Variants in CDC42SE2 observed in about 807,000 individuals in gnomAD.
The protein encoded by CDC42SE2 is CDC42 small effector 2.
In CDC42SE2, 3 loss-of-function variants were observed where a neutral mutation model predicts 11.5. The ratio of observed to expected loss-of-function variants is 0.26; its 90% CI spans 0.12 to 0.67. The LOEUF is 0.67. CDC42SE2 is among the 30% of genes least tolerant of loss of function. CDC42SE2 has a pLI of 0.80. For missense variants in CDC42SE2, 82 were observed against 106.8 expected, an observed-to-expected ratio of 0.77 and a Z score of 1.02; for synonymous variants, 33 against 34.8, an observed-to-expected ratio of 0.95 and a Z score of 0.18.
intron 2 of CDC42SE2, among the ~76,000 whole-genome samples, chr5:131,346,312 A>C (rs571069730): frequency 6.6e-6 from 1 of 152,308 alleles, no homozygotes; most frequent in South Asian, 2.1e-4. Flanking sequence ...AGGAAGATCT[A>C]CCAAGCAAAT....
chr5:131,297,666 G>C (rs1232675827), intron 1 of CDC42SE2, among the ~76,000 whole-genome samples: 1 of 152,050 alleles, frequency 6.6e-6, no homozygotes, highest in Non-Finnish European at 1.5e-5. Context: ...CTTGCAGTGA[G>C]TCAAGATTGT....
chr5:131,254,090 T>C (rs1280618849), intron 1 of CDC42SE2, among the ~76,000 whole-genome samples: 1 of 152,142 alleles, frequency 6.6e-6, no homozygotes, highest in Non-Finnish European at 1.5e-5. Context: ...AACGTGCGGG[T>C]TTGTTACATA....
At chr5:131,326,815 A>G (rs542250746) in intron 2 of CDC42SE2, among the ~76,000 whole-genome samples, 17 of 152,142 alleles carry the variant, frequency 1.1e-4, no homozygotes, top group African/African-American at 3.1e-4. Context: ...GAATCTGCCT[A>G]TGTTGGCTAG....
chr5:131,226,366 C>T, the CDC42SE2 span, among the ~76,000 whole-genome samples: 4,684 of 152,162 alleles, frequency 0.031, 233 homozygotes, highest in African/African-American at 0.1. Flanking sequence ...TAGTCTTGGC[C>T]CCTTAACAAA....
chr5:131,232,747 A>C, the CDC42SE2 span, among the ~76,000 whole-genome samples: 18 of 149,838 alleles, frequency 1.2e-4, no homozygotes, highest in Non-Finnish European at 1.9e-4. Flanking sequence ...AAAAAAAAAA[A>C]AAAAAAAACA....
At chr5:131,245,530 A>AC (rs1756573977) in exon 1 of CDC42SE2, 7 of 152,232 alleles carry the variant, frequency 4.6e-5, no homozygotes. Context: ...GGTCTAGTTA[A>AC]AGGGTTCTGA....
intron 3 of CDC42SE2, among the ~76,000 whole-genome samples, chr5:131,378,398 A>C (rs1750217554): frequency 6.7e-6 from 1 of 148,782 alleles, no homozygotes. Context: ...GCACCCAGGG[A>C]ATCACTGTCA....
At chr5:131,287,647 A>AT (rs1290368043) in intron 1 of CDC42SE2, among the ~76,000 whole-genome samples, 11 of 148,578 alleles carry the variant, frequency 7.4e-5, no homozygotes, top group Non-Finnish European at 1.3e-4. Flanking sequence ...TTTTTTTTGC[A>AT]TTTTTTTGTA....
At chr5:131,305,708 C>T (rs1757765132) in intron 1 of CDC42SE2, among the ~76,000 whole-genome samples, 1 of 152,110 alleles carries the variant, frequency 6.6e-6, no homozygotes, top group Admixed American at 6.6e-5. Flanking sequence ...TGGATTGTCT[C>T]TTCAATCCAT....
At chr5:131,334,654 T>G (rs1036743757) in intron 2 of CDC42SE2, among the ~76,000 whole-genome samples, 5 of 152,150 alleles carry the variant, frequency 3.3e-5, no homozygotes, top group East Asian at 1.9e-4. Flanking sequence ...CCTGTTATTG[T>G]TCTATTCAGA....
chr5:131,281,099 G>A (rs12513768), intron 1 of CDC42SE2, among the ~76,000 whole-genome samples: 86,733 of 151,978 alleles, frequency 0.57, 28,713 homozygotes, highest in Non-Finnish European at 0.76. Flanking sequence ...GATCCTTTAA[G>A]GATTTTTCCT....
At chr5:131,306,066 C>T (rs1757771630) in intron 1 of CDC42SE2, among the ~76,000 whole-genome samples, 1 of 152,184 alleles carries the variant, frequency 6.6e-6, no homozygotes, top group South Asian at 2.1e-4. Context: ...CAACCATGAT[C>T]TGAAAATAGT....
the CDC42SE2 span, among the ~76,000 whole-genome samples, chr5:131,217,004 G>A: frequency 1.3e-5 from 2 of 152,138 alleles, no homozygotes; most frequent in African/African-American, 4.8e-5. Flanking sequence ...CATCAAGCAG[G>A]ATCAGGCCAG....
the CDC42SE2 span, among the ~76,000 whole-genome samples, chr5:131,211,072 A>G: frequency 1.3e-5 from 2 of 152,206 alleles, no homozygotes; most frequent in African/African-American, 4.8e-5. Context: ...CCTGATCTCA[A>G]GTGATCCGCC....
intron 1 of CDC42SE2, among the ~76,000 whole-genome samples, chr5:131,308,851 A>G (rs935458109): frequency 2.0e-5 from 3 of 152,162 alleles, no homozygotes; most frequent in African/African-American, 7.2e-5. Flanking sequence ...TTGGGCTGAG[A>G]TGATGGGGTT....
At chr5:131,386,753 GC>G (rs2149789656) in intron 4 of CDC42SE2, among the ~76,000 whole-genome samples, 1 of 152,272 alleles carries the variant, frequency 6.6e-6, no homozygotes, top group South Asian at 2.1e-4. Context: ...TTTTCCCCAT[GC>G]CTAAAGTAAA....
chr5:131,329,803 C>G (rs545164062), intron 2 of CDC42SE2, among the ~76,000 whole-genome samples: 2 of 137,806 alleles, frequency 1.5e-5, no homozygotes, highest in African/African-American at 2.7e-5. Context: ...TGCTTGAACT[C>G]GGGAGGCAGA....
chr5:131,302,842 C>G (rs1428522622), intron 1 of CDC42SE2, among the ~76,000 whole-genome samples: 1 of 147,188 alleles, frequency 6.8e-6, no homozygotes, highest in East Asian at 2.0e-4. Flanking sequence ...TTTTTTAAGA[C>G]AAGCAGATTC....
intron 1 of CDC42SE2, among the ~76,000 whole-genome samples, chr5:131,250,232 C>T (rs1294951814): frequency 2.0e-5 from 3 of 152,280 alleles, no homozygotes; most frequent in African/African-American, 7.2e-5. Flanking sequence ...CAGATGCATG[C>T]CCATCTACAG....
Sources: gnomAD v4.1 joint callset for allele counts (sites outside exome capture counted in the v4.1 genomes callset) on GRCh38, gnomAD v4.1.1 for gene constraint, MANE v1.5 for transcripts, NCBI Gene and HGNC (gene_info 2026-07-23, HGNC 2026-07-21) for gene names.